OR4K2: variants seen among roughly 807,000 people sequenced by gnomAD.
OR4K2 encodes olfactory receptor 4K2.
In OR4K2, 8 loss-of-function variants were observed where a neutral mutation model predicts 10.5. That is an observed-to-expected ratio of 0.76 (90% CI 0.45 to 1.37). OR4K2 has a LOEUF of 1.37. Among genes scored for constraint, OR4K2 ranks in the 40% most tolerant of loss-of-function variants. The pLI is 0.00. For missense variants in OR4K2, 547 were observed against 379.5 expected (o/e 1.44, Z -3.67); for synonymous variants, 178 against 133.6 (o/e 1.33, Z -2.29).
Position 19,875,339 on chromosome 14 carries a change from T to C in OR4K2, c.-819T>C, listed in dbSNP as rs1880866579. 6.6e-6 allele frequency: 1 copy of C among 152,280 alleles called. No homozygotes were observed. The allele number at this position is 152,280 out of a possible 1,614,324, so 9.4% of individuals were successfully genotyped here. On this transcript the variant is annotated 5_prime_UTR_variant, in exon 1 of 2. Transcript: ENST00000641885. ...AGTTCTACTGAAATATTTTAAATGTTTGCCCTTCCCACTCCCATTTCCTAA... is the reference window on the plus strand; with the variant it reads ...AGTTCTACTGAAATATTTTAAATGTCTGCCCTTCCCACTCCCATTTCCTAA...
In OR4K2 at chr14:19,876,338, A is replaced by T. The variant is rs772144842; in HGVS notation, c.71A>T (p.Gln24Leu). 8.1e-6 allele frequency: 13 copies of T among 1,613,760 alleles called. No homozygotes were observed. The highest frequency in any genetic ancestry group is 1.1e-5 in the Non-Finnish European group (13 of 1,179,946). The change falls in exon 2 of 2, where the codon CAG (glutamine) becomes CTG (leucine). Residue 24 changes from glutamine to leucine, a missense_variant. Transcript: ENST00000641885. ...LLGLSNSWEL[Q>L]MFFFMVFSLL... ...GGGCTCTCTAATTCCTGGGAACTACAGATGTTTTTCTTTATGGTGTTTTCA... is the reference window on the plus strand; with the variant it reads ...GGGCTCTCTAATTCCTGGGAACTACTGATGTTTTTCTTTATGGTGTTTTCA...
Position 19,876,446 on chromosome 14 carries a change from A to G in OR4K2, c.179A>G (p.Tyr60Cys). ...IVDPHLHSPMYFLLTNLSIID... is the reference protein window; with the variant it reads ...IVDPHLHSPMCFLLTNLSIID... ...GACCCTCACCTACACTCTCCTATGT[A>G]TTTCCTGCTTACCAATCTTTCAATC... The change falls in exon 2 of 2, where the codon TAT becomes TGT. Residue 60 changes from tyrosine to cysteine, a missense_variant. Physicochemically the swap from Tyr to Cys is radical, Grantham distance 194. Transcript: ENST00000641885. 1 of 1,614,124 alleles carries G rather than the reference A, an allele frequency of 6.2e-7. No individual in the cohort carries two copies. The highest frequency in any genetic ancestry group is 1.1e-5 in the South Asian group (1 of 91,084).
chr14:19,876,330 G>A lies in OR4K2; in HGVS notation c.63G>A (p.Trp21Ter), dbSNP rs774757393. ...TTTTGCTGGGGCTCTCTAATTCCTG[G>A]GAACTACAGATGTTTTTCTTTATGG... Reference protein sequence around the residue: ...EFVLLGLSNSWELQMFFFMVF... With the variant: ...EFVLLGLSNS Residue 21 changes from tryptophan (W) to a stop codon, truncating the protein, a stop_gained, in exon 2 of 2, where the codon TGG becomes TGA. Transcript: ENST00000641885. LOFTEE classifies it high-confidence loss of function. 1.2e-6 allele frequency: 2 copies of A among 1,613,452 alleles called. No individual in the cohort carries two copies. Among genetic ancestry groups the A allele is most frequent in the Admixed American group, 3.3e-5 (2 of 59,944 alleles).
Position 19,883,922 on chromosome 14 carries a change from A to G in OR4K2, c.*6710A>G, listed in dbSNP as rs1335806500. On this transcript the variant is annotated 3_prime_UTR_variant, in exon 2 of 2. Transcript: ENST00000641885. ...CCTCACATTTCACACATGGAGAAAAAAAGTCTGCACTTATAAAGCAATTAT... is the reference window on the plus strand; with the variant it reads ...CCTCACATTTCACACATGGAGAAAAGAAGTCTGCACTTATAAAGCAATTAT... 9.2e-5 allele frequency: 14 copies of G among 152,376 alleles called. No individual in the cohort carries two copies. The East Asian group carries it at 1.7e-3, about 19-fold the overall frequency. The allele number at this position is 152,376 out of a possible 1,614,324, so 9.4% of individuals were successfully genotyped here.
Position 19,879,998 on chromosome 14 carries a change from T to C in OR4K2, c.*2786T>C, listed in dbSNP as rs751219639. ...TGCAGGTTGCATGCGGCTCAGGAGA[T>C]GGCTTTAAATTCAGCCCAACACAAA... On this transcript the variant is annotated 3_prime_UTR_variant, in exon 2 of 2. Coordinates refer to ENST00000641885, the MANE Select transcript of OR4K2 (RefSeq NM_001005501.2). 1 of 152,294 alleles carries C rather than the reference T, an allele frequency of 6.6e-6. No individual in the cohort carries two copies. The highest frequency in any genetic ancestry group is 1.5e-5 in the Non-Finnish European group (1 of 68,064). The allele number at this position is 152,294 out of a possible 1,614,324, so 9.4% of individuals were successfully genotyped here. A position where few individuals can be genotyped will look rare whatever the true frequency, so the allele number is the denominator to read the frequency against.
In OR4K2 at chr14:19,879,138, T is replaced by G. The variant is rs1273903588; in HGVS notation, c.*1926T>G. The G allele has an allele frequency of 6.6e-6, 1 of 152,086 alleles. No individual in the cohort carries two copies. The highest frequency in any genetic ancestry group is 2.4e-5 in the African/African-American group (1 of 41,422). The allele number at this position is 152,086 out of a possible 1,614,324, so 9.4% of individuals were successfully genotyped here. ...TAATGAGATTAAGTAGTTGGATTGA[T>G]AGTAAAATTCTGTGGCTGATAATAA... On this transcript the variant is annotated 3_prime_UTR_variant, in exon 2 of 2. Coordinates refer to ENST00000641885, the MANE Select transcript of OR4K2 (RefSeq NM_001005501.2).
At position 19,876,545 on chromosome 14, in the gene OR4K2, C is replaced by G. The variant is rs536581951; in HGVS notation, c.278C>G (p.Ser93Cys). 1 of 1,614,204 alleles carries G rather than the reference C, an allele frequency of 6.2e-7. No individual in the cohort carries two copies. The highest frequency in any genetic ancestry group is 1.1e-5 in the South Asian group (1 of 91,088). Residue 93 changes from serine to cysteine, a missense_variant, in exon 2 of 2, where the codon TCT becomes TGT. By Grantham distance (112) the Ser-to-Cys change is moderately radical (BLOSUM62 -1). Transcript: ENST00000641885. ...TACCTAACAGGTCACAAAACCATCT[C>G]TTTTGATGGCTGCCTTACCCAGATA... Reference protein sequence around the residue: ...TDYLTGHKTISFDGCLTQIFF... With the variant: ...TDYLTGHKTICFDGCLTQIFF...
At position 19,877,559 on chromosome 14, in the gene OR4K2, G is replaced by A. The variant is rs756597252; in HGVS notation, c.*347G>A. The A allele has an allele frequency of 3.7e-5, 8 of 218,962 alleles. No individual in the cohort carries two copies. Among genetic ancestry groups the A allele is most frequent in the Admixed American group, 1.6e-4 (3 of 18,480 alleles). 13.6% of individuals were successfully genotyped at this position (218,962 alleles called of 1,614,324 possible). On this transcript the variant is annotated 3_prime_UTR_variant, in exon 2 of 2. Transcript: ENST00000641885. The stretch of plus-strand genomic sequence containing the variant: ...CCACAGTGAGCAACTGAGTCACTTA[G>A]TGAGATGCTCCTAAAGTATGACAAG...
Position 19,876,098 on chromosome 14 carries a change from A to G in OR4K2, c.-60A>G. On this transcript the variant is annotated 5_prime_UTR_variant, in exon 1 of 2. Transcript: ENST00000641885. ...ATATTTCATAATTTCCATTCAAAACAATATACCAAATGAGAAGGATGGAAA... is the reference window on the plus strand; with the variant it reads ...ATATTTCATAATTTCCATTCAAAACGATATACCAAATGAGAAGGATGGAAA... The G allele has an allele frequency of 3.3e-6, 2 of 614,278 alleles. No homozygotes were observed. Among genetic ancestry groups the G allele is most frequent in the Non-Finnish European group, 5.5e-6 (2 of 362,176 alleles). 38.1% of individuals were successfully genotyped at this position (614,278 alleles called of 1,614,324 possible).
rs1414148841 is a variant in OR4K2, at chr14:19,875,705, C to A, written c.-453C>A. The A allele has an allele frequency of 6.6e-6, 1 of 152,420 alleles. No individual in the cohort carries two copies. The highest frequency in any genetic ancestry group is 6.5e-5 in the Admixed American group (1 of 15,284). 9.4% of individuals were successfully genotyped at this position (152,420 alleles called of 1,614,324 possible). A position where few individuals can be genotyped will look rare whatever the true frequency, so the allele number is the denominator to read the frequency against. ...TTGAGTTTCAAACAGGAAACTTTAT[C>A]TGGGAATACTTTAACAGTTCATCTC... is the stretch of plus-strand genomic sequence containing the variant. On this transcript the variant is annotated 5_prime_UTR_variant, in exon 1 of 2. The change creates a new upstream start codon in the 5' untranslated region. Coordinates refer to ENST00000641885, the MANE Select transcript of OR4K2 (RefSeq NM_001005501.2).
In OR4K2 at chr14:19,878,996, G is replaced by A. The variant is rs1314397749; in HGVS notation, c.*1784G>A. Reference sequence around the variant, plus strand: ...GCAATATAAAACTGTGGAATCTTTTGGAAGAGACGCTATTGATTTTCTGTG... The same window carrying A: ...GCAATATAAAACTGTGGAATCTTTTAGAAGAGACGCTATTGATTTTCTGTG... On this transcript the variant is annotated 3_prime_UTR_variant, in exon 2 of 2. Transcript: ENST00000641885. 6.6e-6 allele frequency: 1 copy of A among 152,198 alleles called. No individual in the cohort carries two copies. The highest frequency in any genetic ancestry group is 1.5e-5 in the Non-Finnish European group (1 of 68,032). 9.4% of individuals were successfully genotyped at this position (152,198 alleles called of 1,614,324 possible). A position where few individuals can be genotyped will look rare whatever the true frequency, so the allele number is the denominator to read the frequency against.
At position 19,876,629 on chromosome 14, in the gene OR4K2, A is replaced by T; in HGVS notation, c.362A>T (p.Asp121Val). Residue 121 changes from aspartate to valine, a missense_variant, in exon 2 of 2, where the codon GAT becomes GTT. Asp to Val is a radical substitution (Grantham distance 152, BLOSUM62 -3). Coordinates refer to ENST00000641885, the MANE Select transcript of OR4K2 (RefSeq NM_001005501.2). ...EIILLMAMSFDRYIAICKPLH... is the reference protein window; with the variant it reads ...EIILLMAMSFVRYIAICKPLH... ...ATCTTACTCATGGCCATGTCCTTTG[A>T]TAGGTATATTGCAATATGCAAGCCC... is the stretch of plus-strand genomic sequence containing the variant. 6.2e-7 allele frequency: 1 copy of T among 1,614,124 alleles called. No individual in the cohort carries two copies.
rs2138533454 is a variant in OR4K2, at chr14:19,879,912, TC to T, written c.*2702del. ...TTTATTAGTTATTTCGATTTTTTTT[TC>T]CTGAAACAGGTGTCCTCAAACTGTA... On this transcript the variant is annotated 3_prime_UTR_variant, in exon 2 of 2. Coordinates refer to ENST00000641885, the MANE Select transcript of OR4K2 (RefSeq NM_001005501.2). 6.6e-6 allele frequency: 1 copy of T among 152,390 alleles called. No individual in the cohort carries two copies. Among genetic ancestry groups the T allele is most frequent in the Admixed American group, 6.5e-5 (1 of 15,302 alleles). The allele number at this position is 152,390 out of a possible 1,614,324, so 9.4% of individuals were successfully genotyped here.
chr14:19,878,550 A>G lies in OR4K2; in HGVS notation c.*1338A>G, dbSNP rs377655178. ...AAACAGAAAATCCTTAGATGTTCAT[A>G]TTAAACCAAGTTATAAAAGGAATTT... On this transcript the variant is annotated 3_prime_UTR_variant, in exon 2 of 2. Coordinates refer to ENST00000641885, the MANE Select transcript of OR4K2 (RefSeq NM_001005501.2). 1.3e-5 allele frequency: 2 copies of G among 152,230 alleles called. No homozygotes were observed. Among genetic ancestry groups the G allele is most frequent in the East Asian group, 3.8e-4 (2 of 5,208 alleles). The allele number at this position is 152,230 out of a possible 1,614,324, so 9.4% of individuals were successfully genotyped here.
rs1880996764 is a variant in OR4K2, at chr14:19,879,902, GA to G, written c.*2691del. 1 of 152,188 alleles carries G rather than the reference GA, an allele frequency of 6.6e-6. No individual in the cohort carries two copies. The highest frequency in any genetic ancestry group is 6.5e-5 in the Admixed American group (1 of 15,270). 9.4% of individuals were successfully genotyped at this position (152,188 alleles called of 1,614,324 possible). On this transcript the variant is annotated 3_prime_UTR_variant, in exon 2 of 2. Coordinates refer to ENST00000641885, the MANE Select transcript of OR4K2 (RefSeq NM_001005501.2). ...CTAACAACCTTTTATTAGTTATTTCGATTTTTTTTTCCTGAAACAGGTGTCC... is the reference window on the plus strand; with the variant it reads ...CTAACAACCTTTTATTAGTTATTTCGTTTTTTTTTCCTGAAACAGGTGTCC...
rs1162848195 is a variant in OR4K2, at chr14:19,876,231, TTTTC to T, written c.-23-13_-23-10del. On this transcript the variant is annotated splice_polypyrimidine_tract_variant and intron_variant, in intron 1 of 1. Transcript: ENST00000641885. Reference sequence around the variant, plus strand: ...TGACTTTCCTTTTTTTTTTTTTTTTTTTTCGTGATACAGGCTTCTGCCTATGAAT... The same window carrying T: ...TGACTTTCCTTTTTTTTTTTTTTTTTGTGATACAGGCTTCTGCCTATGAAT... The T allele has an allele frequency of 2.5e-5, 28 of 1,139,262 alleles. No individual in the cohort carries two copies. The highest frequency in any genetic ancestry group is 1.7e-4 in the South Asian group (7 of 42,104). The allele number at this position is 1,139,262 out of a possible 1,614,324, so 70.6% of individuals were successfully genotyped here. A position where few individuals can be genotyped will look rare whatever the true frequency, so the allele number is the denominator to read the frequency against.
Position 19,878,093 on chromosome 14 carries a change from A to G in OR4K2, c.*881A>G, listed in dbSNP as rs1880955002. On this transcript the variant is annotated 3_prime_UTR_variant, in exon 2 of 2. Transcript: ENST00000641885. Reference sequence around the variant, plus strand: ...TTTTCTTGAAATATTTGGATGTAAAAATAATGAATCTGCATTTAGTAATAC... The same window carrying G: ...TTTTCTTGAAATATTTGGATGTAAAGATAATGAATCTGCATTTAGTAATAC... 1 of 152,228 alleles carries G rather than the reference A, an allele frequency of 6.6e-6. No homozygotes were observed. The highest frequency in any genetic ancestry group is 2.1e-4 in the South Asian group (1 of 4,828). 9.4% of individuals were successfully genotyped at this position (152,228 alleles called of 1,614,324 possible). A position where few individuals can be genotyped will look rare whatever the true frequency, so the allele number is the denominator to read the frequency against.
In OR4K2 at chr14:19,876,234, T is replaced by C. The variant is rs750046429; in HGVS notation, c.-23-11T>C. ...CTTTCCTTTTTTTTTTTTTTTTTTT[T>C]CGTGATACAGGCTTCTGCCTATGAA... On this transcript the variant is annotated splice_polypyrimidine_tract_variant and intron_variant, in intron 1 of 1. Coordinates refer to ENST00000641885, the MANE Select transcript of OR4K2 (RefSeq NM_001005501.2). 1.7e-3 allele frequency: 1,368 copies of C among 813,748 alleles called. 5 individuals carry two copies. In the African/African-American group the frequency reaches 0.025, roughly 15 times the overall value. 50.4% of individuals were successfully genotyped at this position (813,748 alleles called of 1,614,324 possible).
rs1446482900 is a variant in OR4K2 at position 19,883,744 on chromosome 14, C to T, written c.*6532C>T. The T allele has an allele frequency of 6.6e-6, 1 of 152,208 alleles. No individual in the cohort carries two copies. The highest frequency in any genetic ancestry group is 1.5e-5 in the Non-Finnish European group (1 of 68,032). The allele number at this position is 152,208 out of a possible 1,614,324, so 9.4% of individuals were successfully genotyped here. ...AATGTACCTAAATAAAATTGTTCTT[C>T]AAGAGTAACATGTAATTGAATCATC... is the stretch of plus-strand genomic sequence containing the variant. On this transcript the variant is annotated 3_prime_UTR_variant, in exon 2 of 2. Coordinates refer to ENST00000641885, the MANE Select transcript of OR4K2 (RefSeq NM_001005501.2).
Sources: gnomAD v4.1 joint callset for allele counts on GRCh38, gnomAD v4.1.1 for gene constraint, MANE v1.5 for transcripts, NCBI Gene and HGNC (gene_info 2026-07-23, HGNC 2026-07-21) for gene names.